Variants in SRPK1 observed in about 807,000 individuals in gnomAD.
SRPK1 encodes the protein SRSF protein kinase 1.
SRPK1 carries 52 observed loss-of-function variants against 89.5 expected under a neutral mutation model. The observed-to-expected ratio is 0.58, with a 90% CI of 0.46 to 0.73. The LOEUF (loss-of-function observed/expected upper bound fraction) is 0.73, where lower values mean the gene tolerates loss of function less well. Ranked by LOEUF, SRPK1 falls within the 30% of genes least tolerant of loss-of-function variation. The pLI, the probability that SRPK1 is intolerant of heterozygous loss-of-function variation, is 0.00. For missense variants in SRPK1, 603 were observed against 780.6 expected (o/e 0.77, Z 2.71); for synonymous variants, 255 against 270.2 (o/e 0.94, Z 0.55).
At chr6:35,915,486 C>T (rs910189471) in intron 2 of SRPK1, among the ~76,000 whole-genome samples, 1 of 151,318 alleles carries the variant, frequency 6.6e-6, no homozygotes, top group Non-Finnish European at 1.5e-5. Context: ...ATGTATATAC[C>T]ATTCGAAGTA....
chr6:35,835,122 G>T lies in SRPK1; in HGVS notation c.*182C>A. 1.9e-6 allele frequency: 1 copy of T among 532,758 alleles called. No individual in the cohort carries two copies. Among genetic ancestry groups the T allele is most frequent in the Non-Finnish European group, 3.2e-6 (1 of 314,582 alleles). 33.0% of individuals were successfully genotyped at this position (532,758 alleles called of 1,614,324 possible). Reference sequence around the variant, plus strand: ...GCCAAATTCACCTAGGATGCCCAATGGCTGTGGGGATCTCCACAGGGTCAA... The same window carrying T: ...GCCAAATTCACCTAGGATGCCCAATTGCTGTGGGGATCTCCACAGGGTCAA... On this transcript the variant is annotated 3_prime_UTR_variant, in exon 16 of 16. Coordinates refer to ENST00000373825, the MANE Select transcript of SRPK1 (RefSeq NM_003137.5).
chr6:35,890,777 A>G (rs896887640), intron 3 of SRPK1, 118 bp downstream of exon 3: 1 of 811,812 alleles, frequency 1.2e-6, no homozygotes, highest in African/African-American at 1.8e-5. Context: ...TATGTTTTAG[A>G]GAAAAGGATA....
rs144782155 is a variant in SRPK1 at position 35,840,336 on chromosome 6, G to C, written c.1691-1907C>G. Among the ~76,000 whole-genome samples the C allele has an allele frequency of 3.4e-3, 523 of 152,284 alleles. 3 individuals are homozygous for C. The highest frequency in any genetic ancestry group is 0.011 in the African/African-American group (461 of 41,552). ...CATTTATGACTTCCCTACAACCTTTGAGCAGTTTTGACTGAATTTATGGTT... is the reference window on the plus strand; with the variant it reads ...CATTTATGACTTCCCTACAACCTTTCAGCAGTTTTGACTGAATTTATGGTT... On this transcript the variant is annotated intron_variant, in intron 14 of 15. Coordinates refer to ENST00000373825, the MANE Select transcript of SRPK1 (RefSeq NM_003137.5).
chr6:35,895,376 G>A (rs747610262), intron 2 of SRPK1, among the ~76,000 whole-genome samples: 8 of 152,134 alleles, frequency 5.3e-5, no homozygotes, highest in Non-Finnish European at 1.0e-4. Context: ...ATATTTTCAT[G>A]TTACGAAGTT....
At chr6:35,866,499 T>C (rs968833011) in intron 12 of SRPK1, among the ~76,000 whole-genome samples, 8 of 152,140 alleles carry the variant, frequency 5.3e-5, no homozygotes, top group Non-Finnish European at 1.2e-4. Flanking sequence ...GGCAGGAGAA[T>C]TGCTTGAACC....
intron 2 of SRPK1, chr6:35,919,948 G>A: frequency 2.5e-6 from 1 of 393,120 alleles, no homozygotes; most frequent in South Asian, 1.9e-5. Flanking sequence ...TACAGGCTCA[G>A]GAAGTTGACT....
At chr6:35,863,334 G>A (rs1042537832) in intron 12 of SRPK1, among the ~76,000 whole-genome samples, 7 of 150,814 alleles carry the variant, frequency 4.6e-5, no homozygotes, top group African/African-American at 9.7e-5. Flanking sequence ...GTGCGTGCCT[G>A]TAGTCTCAGT....
chr6:35,899,447 C>A (rs1045179281), intron 2 of SRPK1, among the ~76,000 whole-genome samples: 1 of 152,204 alleles, frequency 6.6e-6, no homozygotes, highest in Non-Finnish European at 1.5e-5. Context: ...TATTGTCTTC[C>A]TCCAGACACT....
chr6:35,882,312 T>C (rs1770314615), intron 6 of SRPK1, among the ~76,000 whole-genome samples: 1 of 152,064 alleles, frequency 6.6e-6, no homozygotes, highest in Non-Finnish European at 1.5e-5. Context: ...GGTTATCTTT[T>C]TATTTAACAA....
intron 2 of SRPK1, 147 bp from the exon 3 acceptor site, chr6:35,891,160 G>GT: frequency 1.2e-6 from 1 of 853,980 alleles, no homozygotes; most frequent in Middle Eastern, 2.5e-4. Flanking sequence ...ATTAGCTGTA[G>GT]TTTTACCTCA....
intron 2 of SRPK1, among the ~76,000 whole-genome samples, chr6:35,915,381 T>C (rs375432494): frequency 1.0e-3 from 134 of 129,160 alleles, no homozygotes; most frequent in African/African-American, 3.8e-3. Context: ...CACTCCAGCC[T>C]GGACGACAGA....
chr6:35,896,332 C>T (rs1770626272), intron 2 of SRPK1, among the ~76,000 whole-genome samples: 1 of 152,164 alleles, frequency 6.6e-6, no homozygotes, highest in Non-Finnish European at 1.5e-5. Context: ...TACATTTGGT[C>T]ACAGGAGTCT....
intron 2 of SRPK1, among the ~76,000 whole-genome samples, chr6:35,902,868 G>T (rs1770773624): frequency 6.6e-6 from 1 of 152,152 alleles, no homozygotes. Flanking sequence ...AAAACTAGCA[G>T]AAGGGAGCTT....
chr6:35,899,724 G>C (rs989438412), intron 2 of SRPK1, among the ~76,000 whole-genome samples: 2 of 152,136 alleles, frequency 1.3e-5, no homozygotes, highest in South Asian at 4.1e-4. Flanking sequence ...CTTTGGGGCC[G>C]GGCACGGTGG....
rs560404691 is a variant in SRPK1, at chr6:35,849,992, TG to T, written c.1620+7268del. 3.3e-5 allele frequency among the ~76,000 whole-genome samples: 5 copies of T among 152,220 alleles called. No individual in the cohort carries two copies. In the South Asian group the frequency reaches 8.3e-4, roughly 25 times the overall value. The stretch of plus-strand genomic sequence containing the variant: ...AAATACTGCAACACTCTCACTTATA[TG>T]TGAAATCTAAAACAATTTAACTCAT... On this transcript the variant is annotated intron_variant, in intron 13 of 15. Transcript: ENST00000373825.
chr6:35,908,024 T>C (rs1205843981), intron 2 of SRPK1, among the ~76,000 whole-genome samples: 1 of 152,180 alleles, frequency 6.6e-6, no homozygotes, highest in Non-Finnish European at 1.5e-5. Context: ...TCCACCATGA[T>C]TGTAAGTTTC....
rs532000673 is a variant in SRPK1 at position 35,838,263 on chromosome 6, T to C, written c.1783+74A>G. ...GGCAGGCCCATCATTCTGTAGGACA[T>C]TGGGAATATGTGCTTACCTCTTCAT... On this transcript the variant is annotated intron_variant, in intron 15 of 15. Transcript: ENST00000373825. 51 of 995,166 alleles carry C rather than the reference T, an allele frequency of 5.1e-5. No individual in the cohort carries two copies. In the South Asian group the frequency reaches 8.2e-4, roughly 16 times the overall value. 61.6% of individuals were successfully genotyped at this position (995,166 alleles called of 1,614,324 possible).
chr6:35,852,415 C>T (rs764101890), intron 13 of SRPK1, among the ~76,000 whole-genome samples: 7 of 152,086 alleles, frequency 4.6e-5, no homozygotes, highest in Admixed American at 6.6e-5. Context: ...CTCTGTTTAG[C>T]GGAACACTGG....
chr6:35,894,307 G>A (rs974526998), intron 2 of SRPK1, among the ~76,000 whole-genome samples: 2 of 152,140 alleles, frequency 1.3e-5, no homozygotes, highest in Admixed American at 6.5e-5. Flanking sequence ...TAAAAGATGA[G>A]TAAAGTCAGA....
Sources: allele counts gnomAD v4.1 joint callset (sites outside exome capture counted in the v4.1 genomes callset), GRCh38; gene constraint gnomAD v4.1.1; transcripts MANE v1.5; gene names NCBI Gene and HGNC (gene_info 2026-07-23, HGNC 2026-07-21).